AHSA1: variants seen among roughly 807,000 people sequenced by gnomAD.
AHSA1 encodes the protein activator of 90 kDa heat shock protein ATPase homolog 1.
Under a neutral mutation model 46.1 loss-of-function variants are expected in AHSA1, and 14 were observed. That is an observed-to-expected ratio of 0.30 (90% CI 0.20 to 0.47). The LOEUF is 0.47. Ranked by LOEUF, AHSA1 falls within the 20% of genes least tolerant of loss-of-function variation. The pLI, the probability that AHSA1 is intolerant of heterozygous loss-of-function variation, is 0.99. For missense variants in AHSA1, 333 were observed against 415.9 expected, an observed-to-expected ratio of 0.80 and a Z score of 1.73; for synonymous variants, 147 against 145.8, an observed-to-expected ratio of 1.01 and a Z score of -0.06.
intron 3 of AHSA1, 25 bp from the exon 4 acceptor site, chr14:77,462,617 C>A: frequency 6.2e-7 from 1 of 1,606,986 alleles, no homozygotes; most frequent in Non-Finnish European, 8.5e-7. Context: ...AGTTATTTAC[C>A]ACCTACTTCT....
chr14:77,463,109 G>T (rs12878121), intron 4 of AHSA1: 95,957 of 211,604 alleles, frequency 0.45, 25,333 homozygotes, highest in East Asian at 0.93. Context: ...GCGAAACCCT[G>T]TCTCTACAAA....
intron 6 of AHSA1, among the ~76,000 whole-genome samples, chr14:77,467,549 C>T (rs2079052635): frequency 6.6e-6 from 1 of 152,116 alleles, no homozygotes; most frequent in African/African-American, 2.4e-5. Context: ...AAAAAGTTAG[C>T]CAGGCATGGT....
At chr14:77,464,790 A>T (rs778799250) in intron 5 of AHSA1, 104 bp downstream of exon 5, 1 of 969,420 alleles carries the variant, frequency 1.0e-6, no homozygotes, top group African/African-American at 1.6e-5. Flanking sequence ...TCTAAGCCAG[A>T]CCAGCCTGCG....
intron 3 of AHSA1, 88 bp from the exon 4 acceptor site, chr14:77,462,554 C>A: frequency 8.3e-7 from 1 of 1,198,992 alleles, no homozygotes; most frequent in Non-Finnish European, 1.2e-6. Context: ...TTGGAAATGT[C>A]AGCAGTCACC....
intron 6 of AHSA1, among the ~76,000 whole-genome samples, chr14:77,467,632 T>G (rs1450050254): frequency 6.6e-6 from 1 of 151,980 alleles, no homozygotes; most frequent in Non-Finnish European, 1.5e-5. Context: ...CGGGCGGAGG[T>G]TGCGTGAGCC....
chr14:77,462,212 G>T lies in AHSA1; in HGVS notation c.324G>T (p.Leu108Phe). Residue 108 changes from leucine (L) to phenylalanine (F), a missense_variant, in exon 3 of 9, where the codon TTG (leucine) becomes TTT (phenylalanine). Leu to Phe is a conservative substitution (Grantham distance 22). Coordinates refer to ENST00000216479, the MANE Select transcript of AHSA1 (RefSeq NM_012111.3). The part of the protein sequence containing the change: ...QYKGHVEIPN[L>F]SDENSVDEVE... ...AAGGACATGTGGAGATCCCCAATTTGTCTGATGAAAACAGCGTGGATGAAG... is the reference window on the plus strand; with the variant it reads ...AAGGACATGTGGAGATCCCCAATTTTTCTGATGAAAACAGCGTGGATGAAG... 1.2e-6 allele frequency: 2 copies of T among 1,613,858 alleles called. No individual in the cohort carries two copies. The highest frequency in any genetic ancestry group is 1.7e-6 in the Non-Finnish European group (2 of 1,179,748).
chr14:77,468,970 A>G, intron 8 of AHSA1, 107 bp from the exon 9 acceptor site: 1 of 1,315,960 alleles, frequency 7.6e-7, no homozygotes, highest in African/African-American at 1.5e-5. Context: ...AGCCTGCCAA[A>G]GTGCTGGGAT....
intron 5 of AHSA1, 136 bp downstream of exon 5, chr14:77,464,822 A>G: frequency 2.8e-6 from 2 of 704,816 alleles, no homozygotes; most frequent in East Asian, 2.8e-5. Context: ...GTGCTTTTTC[A>G]GAGCGCCTGC....
chr14:77,465,471 T>C, intron 5 of AHSA1, 68 bp from the exon 6 acceptor site: 1 of 1,552,908 alleles, frequency 6.4e-7, no homozygotes, highest in Non-Finnish European at 8.8e-7. Context: ...TACAACTGTC[T>C]CTGAAGCCAC....
In AHSA1 at chr14:77,463,608, A is replaced by C. The variant is rs1261807297; in HGVS notation, c.472+849A>C. On this transcript the variant is annotated intron_variant, in intron 4 of 8. Coordinates refer to ENST00000216479, the MANE Select transcript of AHSA1 (RefSeq NM_012111.3). Reference sequence around the variant, plus strand: ...CTCAAAAAAAAAAAAAACAAAAAAAAAACTGTATTTGAGGCTCACATTATA... The same window carrying C: ...CTCAAAAAAAAAAAAAACAAAAAAACAACTGTATTTGAGGCTCACATTATA... Among the ~76,000 whole-genome samples, 9 of 148,634 alleles carry C rather than the reference A, an allele frequency of 6.1e-5. No individual in the cohort carries two copies. The East Asian group carries it at 1.9e-3, about 31-fold the overall frequency.
Position 77,458,125 on chromosome 14 carries a change from C to G in AHSA1, c.-65C>G. 7.1e-7 allele frequency: 1 copy of G among 1,408,022 alleles called. No homozygotes were observed. The highest frequency in any genetic ancestry group is 1.4e-5 in the South Asian group (1 of 69,426). 87.2% of individuals were successfully genotyped at this position (1,408,022 alleles called of 1,614,324 possible). ...TCCAGGCGCTGCCGGGCGGCTGGCACTAAGCGGTCCTGAGGCTGTGGCTAC... is the reference window on the plus strand; with the variant it reads ...TCCAGGCGCTGCCGGGCGGCTGGCAGTAAGCGGTCCTGAGGCTGTGGCTAC... On this transcript the variant is annotated 5_prime_UTR_variant, in exon 1 of 9. Transcript: ENST00000216479.
At chr14:77,462,817 G>A in intron 4 of AHSA1, 58 bp downstream of exon 4, 1 of 1,448,372 alleles carries the variant, frequency 6.9e-7, no homozygotes, top group Non-Finnish European at 9.7e-7. Flanking sequence ...GTTAGACTCT[G>A]GTTAAGGGCC....
chr14:77,468,774 G>T (rs960644364), intron 8 of AHSA1: 15 of 498,938 alleles, frequency 3.0e-5, no homozygotes, highest in Non-Finnish European at 5.0e-5. Flanking sequence ...TAGAGATGGG[G>T]TCCTACTACA....
At chr14:77,468,049 CTCTTTTTTTT>C in intron 6 of AHSA1, 24 bp from the exon 7 acceptor site, 40 of 723,716 alleles carry the variant, frequency 5.5e-5, no homozygotes, top group East Asian at 1.4e-4. Context: ...TATCTTCTGC[CTCTTTTTTTT>C]TTTTTTTTTT....
At chr14:77,458,014 G>A, upstream of AHSA1, 2 of 547,760 alleles carry the variant, frequency 3.7e-6, no homozygotes, top group Non-Finnish European at 6.3e-6. Flanking sequence ...GTAACCGGTG[G>A]GAGTGGGGAG....
chr14:77,462,403 C>A, intron 3 of AHSA1, 161 bp downstream of exon 3: 1 of 767,382 alleles, frequency 1.3e-6, no homozygotes, highest in Non-Finnish European at 2.1e-6. Flanking sequence ...TTGGAAACTT[C>A]TAGAGCAATT....
intron 6 of AHSA1, among the ~76,000 whole-genome samples, 155 bp downstream of exon 6, chr14:77,465,822 A>G (rs2079045706): frequency 6.7e-6 from 1 of 148,900 alleles, no homozygotes; most frequent in Non-Finnish European, 1.5e-5. Flanking sequence ...CCCTCCCTCT[A>G]TTCTCTTTTT....
intron 4 of AHSA1, 116 bp downstream of exon 4, chr14:77,462,875 G>A (rs1286708651): frequency 1.2e-6 from 1 of 840,054 alleles, no homozygotes. Flanking sequence ...GGGGGAGGGG[G>A]CTTATTTCAT....
chr14:77,468,296 A>G, intron 7 of AHSA1, 112 bp downstream of exon 7: 2 of 1,117,498 alleles, frequency 1.8e-6, no homozygotes, highest in East Asian at 2.6e-5. Context: ...CTTTGTTAAT[A>G]AAACATTTTG....
Sources: allele counts gnomAD v4.1 joint callset (sites outside exome capture counted in the v4.1 genomes callset), GRCh38; gene constraint gnomAD v4.1.1; transcripts MANE v1.5; gene names NCBI Gene and HGNC (gene_info 2026-07-23, HGNC 2026-07-21).